ULK4: variants seen among roughly 807,000 people sequenced by gnomAD.
The protein encoded by ULK4 is unc-51 like kinase 4.
ULK4 carries 133 observed loss-of-function variants against 160.6 expected under a neutral mutation model. The observed-to-expected ratio is 0.83, with a 90% CI of 0.72 to 0.96. The LOEUF (loss-of-function observed/expected upper bound fraction) is 0.96. Ranked by LOEUF, ULK4 falls within the 40% of genes least tolerant of loss-of-function variation. The pLI, the probability that ULK4 is intolerant of heterozygous loss-of-function variation, is 0.00. For missense variants in ULK4, 1,580 were observed against 1,499.5 expected (o/e 1.05, Z -0.89); for synonymous variants, 534 against 539.8 (o/e 0.99, Z 0.15).
At chr3:41,748,519 C>T (rs1359778153) in intron 22 of ULK4, among the ~76,000 whole-genome samples, 1 of 152,080 alleles carries the variant, frequency 6.6e-6, no homozygotes, top group African/African-American at 2.4e-5. Flanking sequence ...AAACTTGATA[C>T]ACAGATTGTT....
chr3:41,506,767 AATATATATATATATATATATATAT>A lies in ULK4; in HGVS notation c.3227-43538_3227-43515del, dbSNP rs71075470. Among the ~76,000 whole-genome samples the A allele has an allele frequency of 2.5e-4, 14 of 56,794 alleles. 2 individuals carry two copies. The highest frequency in any genetic ancestry group is 9.8e-4 in the African/African-American group (12 of 12,248). 37.3% of individuals were successfully genotyped at this position (56,794 alleles called of 152,430 possible). On this transcript the variant is annotated intron_variant, in intron 32 of 36. Coordinates refer to ENST00000301831, the MANE Select transcript of ULK4 (RefSeq NM_017886.4). ...AGCAATACACTGGAGTGTGATTTAAAATATATATATATATATATATATATATATATATATATATATGAACATGTT... is the reference window on the plus strand; with the variant it reads ...AGCAATACACTGGAGTGTGATTTAAAATATATATATATATATGAACATGTT...
chr3:41,373,460 T>C lies in ULK4; in HGVS notation c.3678+24619A>G, dbSNP rs142637765. ...TCTTTCAGAACACAGTACAATCAAA[T>C]TAGAAATCAGGGTTAAGAAACTCAC... On this transcript the variant is annotated intron_variant, in intron 35 of 36. Coordinates refer to ENST00000301831, the MANE Select transcript of ULK4 (RefSeq NM_017886.4). Among the ~76,000 whole-genome samples the C allele has an allele frequency of 2.9e-3, 444 of 152,118 alleles. 2 individuals are homozygous for C. Among genetic ancestry groups the C allele is most frequent in the East Asian group, 0.015 (78 of 5,174 alleles).
At chr3:41,825,746 T>C (rs554266448) in intron 18 of ULK4, among the ~76,000 whole-genome samples, 1 of 152,208 alleles carries the variant, frequency 6.6e-6, no homozygotes, top group Non-Finnish European at 1.5e-5. Context: ...CAGGATATTA[T>C]CCAGGAGAAT....
At chr3:41,867,236 T>C (rs942234995) in intron 17 of ULK4, among the ~76,000 whole-genome samples, 1 of 152,192 alleles carries the variant, frequency 6.6e-6, no homozygotes, top group Non-Finnish European at 1.5e-5. Flanking sequence ...ACATTCTTGA[T>C]TTCTAATACA....
At chr3:41,787,392 G>A (rs1306128087) in intron 21 of ULK4, among the ~76,000 whole-genome samples, 1 of 152,136 alleles carries the variant, frequency 6.6e-6, no homozygotes, top group African/African-American at 2.4e-5. Context: ...GAGTCCTGGT[G>A]GAAAGCCTGA....
chr3:41,902,425 A>T (rs1194340111), intron 12 of ULK4, among the ~76,000 whole-genome samples: 3 of 152,030 alleles, frequency 2.0e-5, no homozygotes, highest in Non-Finnish European at 2.9e-5. Context: ...TAAAAATACA[A>T]AAATTAGCCA....
At chr3:41,759,340 G>A (rs898684563) in intron 21 of ULK4, among the ~76,000 whole-genome samples, 1 of 152,102 alleles carries the variant, frequency 6.6e-6, no homozygotes. Flanking sequence ...TACCAATAAT[G>A]AACAATTGGA....
chr3:41,615,563 T>C, intron 31 of ULK4, 106 bp downstream of exon 31: 1 of 1,046,130 alleles, frequency 9.6e-7, no homozygotes, highest in Non-Finnish European at 1.4e-6. Context: ...GGACGTACAA[T>C]CCTTCAGGGC....
intron 19 of ULK4, among the ~76,000 whole-genome samples, chr3:41,803,910 A>C (rs1352745620): frequency 6.6e-6 from 1 of 152,194 alleles, no homozygotes; most frequent in East Asian, 1.9e-4. Context: ...ATTGGTTCCA[A>C]GTCTTTGCTG....
At chr3:41,855,995 A>G (rs1412986003) in intron 17 of ULK4, among the ~76,000 whole-genome samples, 1 of 152,220 alleles carries the variant, frequency 6.6e-6, no homozygotes, top group Non-Finnish European at 1.5e-5. Flanking sequence ...GAGACGTCAG[A>G]TAAGAAATTA....
At chr3:41,421,672 G>A (rs187221109) in intron 34 of ULK4, among the ~76,000 whole-genome samples, 1 of 152,142 alleles carries the variant, frequency 6.6e-6, no homozygotes, top group Non-Finnish European at 1.5e-5. Flanking sequence ...TTTTTTGTGG[G>A]GAGGGGATTT....
intron 30 of ULK4, among the ~76,000 whole-genome samples, chr3:41,627,639 G>A (rs2033580153): frequency 6.6e-6 from 1 of 152,186 alleles, no homozygotes. Flanking sequence ...ACATTACTGA[G>A]CTCTTGCCAT....
chr3:41,545,256 C>T (rs1193538216), intron 32 of ULK4, among the ~76,000 whole-genome samples: 1 of 152,082 alleles, frequency 6.6e-6, no homozygotes, highest in Non-Finnish European at 1.5e-5. Context: ...ACGGCAAATT[C>T]GAGTTTGAGT....
At chr3:41,322,538 A>G (rs565340834) in intron 35 of ULK4, among the ~76,000 whole-genome samples, 2 of 152,148 alleles carry the variant, frequency 1.3e-5, no homozygotes, top group Admixed American at 1.3e-4. Context: ...CACTGGATAA[A>G]AAGCAGATTA....
intron 31 of ULK4, among the ~76,000 whole-genome samples, chr3:41,599,955 T>C (rs994539810): frequency 6.6e-6 from 1 of 152,330 alleles, no homozygotes. Context: ...TTGCTTAATA[T>C]CTACAAAAAC....
intron 31 of ULK4, among the ~76,000 whole-genome samples, chr3:41,600,266 C>T (rs778079376): frequency 7.2e-5 from 11 of 152,150 alleles, no homozygotes; most frequent in South Asian, 2.1e-4. Flanking sequence ...GTGATCTGTG[C>T]GCAGGTGGTG....
chr3:41,506,373 G>C (rs2085371455), intron 32 of ULK4, among the ~76,000 whole-genome samples: 1 of 152,052 alleles, frequency 6.6e-6, no homozygotes, highest in Non-Finnish European at 1.5e-5. Context: ...CTGAAAAGAT[G>C]GTTAGGCAGA....
chr3:41,604,032 A>G (rs1193647299), intron 31 of ULK4, among the ~76,000 whole-genome samples: 1 of 152,092 alleles, frequency 6.6e-6, no homozygotes, highest in Non-Finnish European at 1.5e-5. Context: ...CCATGGGACT[A>G]CTTTAGATGA....
At chr3:41,895,190 A>C (rs1698112467) in intron 16 of ULK4, among the ~76,000 whole-genome samples, 1 of 152,214 alleles carries the variant, frequency 6.6e-6, no homozygotes. Flanking sequence ...TGGGAGAATC[A>C]CTTGAGCCCA....
Sources: allele counts gnomAD v4.1 joint callset (sites outside exome capture counted in the v4.1 genomes callset), GRCh38; gene constraint gnomAD v4.1.1; transcripts MANE v1.5; gene names NCBI Gene and HGNC (gene_info 2026-07-23, HGNC 2026-07-21).